The following SPAG7 variants were observed in gnomAD, a reference collection of about 807,000 sequenced individuals.
SPAG7 encodes sperm-associated antigen 7.
Under a neutral mutation model 30.6 loss-of-function variants are expected in SPAG7, and 20 were observed. The ratio of observed to expected loss-of-function variants is 0.65; its 90% CI spans 0.46 to 0.95. The LOEUF (loss-of-function observed/expected upper bound fraction) is 0.95. Ranked by LOEUF, SPAG7 falls within the 40% of genes least tolerant of loss-of-function variation. The probability of loss-of-function intolerance (pLI) is 0.00; values close to 1 mark genes in which losing one functional copy is unlikely to be tolerated. For missense variants in SPAG7, 276 were observed against 291.1 expected (o/e 0.95, Z 0.38); for synonymous variants, 127 against 104.2 (o/e 1.22, Z -1.33).
At chr17:4,964,511 G>A (rs557491488) in intron 1 of SPAG7, among the ~76,000 whole-genome samples, 8 of 149,898 alleles carry the variant, frequency 5.3e-5, no homozygotes, top group South Asian at 2.1e-4. Context: ...ACAGGCGCCC[G>A]CCACCACGCC....
chr17:4,960,236 T>G lies in SPAG7; in HGVS notation c.325A>C (p.Lys109Gln). ...DDCRYVMIFK[K>Q]EFAPSDEELD... ...AATGAGGAATTCAGGCCCTTTACCT[T>G]TTTGAAGATCATGACATAGCGACAG... Residue 109 changes from lysine (K) to glutamine (Q), a missense_variant and splice_region_variant, in exon 4 of 7, where the codon AAG (lysine) becomes CAG (glutamine). Transcript: ENST00000206020. 1 of 1,614,072 alleles carries G rather than the reference T, an allele frequency of 6.2e-7. No homozygotes were observed. Among genetic ancestry groups the G allele is most frequent in the Non-Finnish European group, 8.5e-7 (1 of 1,179,958 alleles).
At position 4,959,611 on chromosome 17, in the gene SPAG7, T is replaced by C; in HGVS notation, c.607A>G (p.Ile203Val). The change falls in exon 7 of 7, where the codon ATT becomes GTT. Residue 203 changes from isoleucine (I) to valine (V), a missense_variant. Physicochemically the swap from Ile to Val is conservative, Grantham distance 29. Transcript: ENST00000206020. ...CTGATCTCATTCATAGCCTCTTCAA[T>C]GGAGCGTGTGTCCCTCTTATTGGCC... ...PVANKRDTRSIEEAMNEIRAK... is the reference protein window; with the variant it reads ...PVANKRDTRSVEEAMNEIRAK... 6.2e-7 allele frequency: 1 copy of C among 1,614,148 alleles called. No homozygotes were observed. The highest frequency in any genetic ancestry group is 8.5e-7 in the Non-Finnish European group (1 of 1,180,018).
rs550504387 is a variant in SPAG7, at chr17:4,964,631, G to A, written c.85+3089C>T. Among the ~76,000 whole-genome samples, 118 of 152,262 alleles carry A rather than the reference G, an allele frequency of 7.7e-4. 1 individual carries two copies. The highest frequency in any genetic ancestry group is 2.6e-3 in the African/African-American group (110 of 41,544). Reference sequence around the variant, plus strand: ...CCGCCTCGGCCTCCCAAAGTGCTGGGATTATAGGCGTGAGCCACCGCACCC... The same window carrying A: ...CCGCCTCGGCCTCCCAAAGTGCTGGAATTATAGGCGTGAGCCACCGCACCC... On this transcript the variant is annotated intron_variant, in intron 1 of 6. Transcript: ENST00000206020.
In SPAG7 at chr17:4,960,322, G is replaced by C; in HGVS notation, c.243-4C>G. On this transcript the variant is annotated splice_polypyrimidine_tract_variant and splice_region_variant and intron_variant, in intron 3 of 6. Transcript: ENST00000206020. ...AGCCACTTCCACCACATCATGTCTG[G>C]GATGGGATGGCAGAGGGGAAAGAGC... The C allele has an allele frequency of 6.2e-7, 1 of 1,613,864 alleles. No individual in the cohort carries two copies. Among genetic ancestry groups the C allele is most frequent in the Non-Finnish European group, 8.5e-7 (1 of 1,179,732 alleles).
chr17:4,967,758 G>C lies in SPAG7; in HGVS notation c.47C>G (p.Pro16Arg). ...GSILSSMEKP[P>R]SLGDQETRRK... ...CCGAGTCTCCTGGTCACCGAGGCTG[G>C]GTGGCTTCTCCATGGAGCTCAGGAT... Residue 16 changes from proline to arginine, a missense_variant, in exon 1 of 7, where the codon CCC becomes CGC. By Grantham distance (103) the Pro-to-Arg change is moderately radical. Coordinates refer to ENST00000206020, the MANE Select transcript of SPAG7 (RefSeq NM_004890.3). The C allele has an allele frequency of 6.2e-7, 1 of 1,614,136 alleles. No individual in the cohort carries two copies. Among genetic ancestry groups the C allele is most frequent in the Non-Finnish European group, 8.5e-7 (1 of 1,179,984 alleles).
At chr17:4,966,730 C>T in intron 1 of SPAG7, 1 of 985,402 alleles carries the variant, frequency 1.0e-6, no homozygotes, top group Non-Finnish European at 1.2e-6. Context: ...CATCAATGAG[C>T]GCCCCAGCCC....
chr17:4,963,674 G>T (rs1320989010), intron 1 of SPAG7, among the ~76,000 whole-genome samples: 1 of 152,050 alleles, frequency 6.6e-6, no homozygotes, highest in Non-Finnish European at 1.5e-5. Context: ...GGCCAGGCTG[G>T]TCTCGAACTC....
At chr17:4,967,129 C>G (rs1427829024) in intron 1 of SPAG7, 2 of 986,040 alleles carry the variant, frequency 2.0e-6, no homozygotes, top group African/African-American at 1.7e-5. Context: ...ACACTACGAT[C>G]CGCCCGGGCA....
intron 1 of SPAG7, chr17:4,966,636 GAGAA>G: frequency 1.0e-6 from 1 of 985,354 alleles, no homozygotes; most frequent in Non-Finnish European, 1.2e-6. Context: ...CAGATTGGGG[GAGAA>G]CCTCAGGTGG....
At chr17:4,959,695 CCA>C in intron 6 of SPAG7, 52 bp from the exon 7 acceptor site, 1 of 1,613,532 alleles carries the variant, frequency 6.2e-7, no homozygotes, top group Non-Finnish European at 8.5e-7. Context: ...ACCTCAGCCT[CCA>C]CTGCCCTCCT....
intron 1 of SPAG7, chr17:4,967,172 G>C: frequency 1.0e-6 from 1 of 986,898 alleles, no homozygotes; most frequent in Non-Finnish European, 1.2e-6. Flanking sequence ...ATGGGAAAAA[G>C]GTTGTCGGAG....
intron 1 of SPAG7, chr17:4,966,938 G>A: frequency 2.0e-6 from 2 of 985,502 alleles, no homozygotes; most frequent in Non-Finnish European, 2.4e-6. Flanking sequence ...GGGGTCCTGC[G>A]TTCCGCCAGT....
chr17:4,966,548 C>G, intron 1 of SPAG7: 1 of 978,930 alleles, frequency 1.0e-6, no homozygotes, highest in Middle Eastern at 5.2e-4. Context: ...TCAGAGATTT[C>G]AAATAGACTC....
chr17:4,966,490 A>C (rs112150675), intron 1 of SPAG7: 21 of 722,582 alleles, frequency 2.9e-5, no homozygotes, highest in Admixed American at 2.5e-4. Flanking sequence ...CAGTCATCGG[A>C]GCATTAGAGA....
At position 4,959,824 on chromosome 17, in the gene SPAG7, G is replaced by A. The variant is rs757227919; in HGVS notation, c.510C>T (p.Leu170=). The part of the protein sequence containing the change: ...ASDYKDKYSH[L]IGKGAAKDAA... ...CGTCTTTGGCTGCTCCCTTGCCGAT[G>A]AGGTGGCTGTACTTGTCCTTGTAGT... Residue 170 remains leucine (L), a synonymous_variant, in exon 6 of 7, where the codon CTC becomes CTT. Transcript: ENST00000206020. 6.8e-6 allele frequency: 11 copies of A among 1,614,150 alleles called. No individual in the cohort carries two copies. Among genetic ancestry groups the A allele is most frequent in the Non-Finnish European group, 9.3e-6 (11 of 1,180,038 alleles).
Position 4,967,788 on chromosome 17 carries a change from C to G in SPAG7, c.17G>C (p.Gly6Ala). Residue 6 changes from glycine (G) to alanine (A), a missense_variant, in exon 1 of 7, where the codon GGC (glycine) becomes GCC (alanine). Gly to Ala is a moderately conservative substitution (Grantham distance 60). Coordinates refer to ENST00000206020, the MANE Select transcript of SPAG7 (RefSeq NM_004890.3). Reference sequence around the variant, plus strand: ...CTTCTCCATGGAGCTCAGGATGGAGCCCAGTAGGTCCGCCATCTTGGGAGT... The same window carrying G: ...CTTCTCCATGGAGCTCAGGATGGAGGCCAGTAGGTCCGCCATCTTGGGAGT... MADLL[G>A]SILSSMEKPP... The G allele has an allele frequency of 6.2e-7, 1 of 1,613,698 alleles. No homozygotes were observed. Among genetic ancestry groups the G allele is most frequent in the Non-Finnish European group, 8.5e-7 (1 of 1,179,652 alleles).
Position 4,959,551 on chromosome 17 carries a change from A to G in SPAG7, c.667T>C (p.Leu223=). 1 of 1,612,976 alleles carries G rather than the reference A, an allele frequency of 6.2e-7. No homozygotes were observed. Among genetic ancestry groups the G allele is most frequent in the Non-Finnish European group, 8.5e-7 (1 of 1,179,720 alleles). Reference sequence around the variant, plus strand: ...CGGGGCGCCTAGGAGGTTGGCGGCAACTCTTCCCCACTCTGCCGCAGACGC... The same window carrying G: ...CGGGGCGCCTAGGAGGTTGGCGGCAGCTCTTCCCCACTCTGCCGCAGACGC... The part of the protein sequence containing the change: ...KKRLRQSGEE[L]PPTS The change falls in exon 7 of 7, where the codon TTG becomes CTG. Residue 223 remains leucine, a synonymous_variant. Transcript: ENST00000206020.
intron 1 of SPAG7, among the ~76,000 whole-genome samples, chr17:4,963,081 TG>T (rs1971890821): frequency 6.6e-6 from 1 of 152,036 alleles, no homozygotes; most frequent in South Asian, 2.1e-4. Context: ...GTTAGTTCTT[TG>T]TACATTGTGG....
Position 4,959,474 on chromosome 17 carries a change from G to T in SPAG7, c.*60C>A. 1.5e-6 allele frequency: 2 copies of T among 1,378,008 alleles called. No homozygotes were observed. Among genetic ancestry groups the T allele is most frequent in the Non-Finnish European group, 2.0e-6 (2 of 976,704 alleles). 85.4% of individuals were successfully genotyped at this position (1,378,008 alleles called of 1,614,324 possible). ...TCCAGGATGGGCTCTAATAGCAGCA[G>T]CCTTGTCTCTCCCTGCCCCCTGCCC... On this transcript the variant is annotated 3_prime_UTR_variant, in exon 7 of 7. Transcript: ENST00000206020.
Sources: gnomAD v4.1 joint callset for allele counts (sites outside exome capture counted in the v4.1 genomes callset) on GRCh38, gnomAD v4.1.1 for gene constraint, MANE v1.5 for transcripts, NCBI Gene and HGNC (gene_info 2026-07-23, HGNC 2026-07-21) for gene names.